The following APOB variants were observed in gnomAD, a reference collection of about 807,000 sequenced individuals.
The protein encoded by APOB is apolipoprotein B-100.
In APOB, 153 loss-of-function variants were observed where a neutral mutation model predicts 314.1. The observed-to-expected ratio is 0.49, with a 90% CI of 0.43 to 0.56. The LOEUF is 0.56. APOB is among the 20% of genes least tolerant of loss of function. The probability of loss-of-function intolerance (pLI) is 0.00; values close to 1 mark genes in which losing one functional copy is unlikely to be tolerated. For synonymous variants in APOB, 2,087 were observed against 2,036.4 expected (o/e 1.02, Z -0.67); for missense variants, 5,430 against 5,350.7 (o/e 1.01, Z -0.46).
chr2:21,035,495 A>T, intron 7 of APOB, 89 bp downstream of exon 7: 1 of 1,547,888 alleles, frequency 6.5e-7, no homozygotes, highest in Non-Finnish European at 8.9e-7. Context: ...CCTCCCAGGC[A>T]CAGGTTTGCC....
At chr2:21,013,575 C>T in intron 24 of APOB, 42 bp from the exon 25 acceptor site, 2 of 1,613,104 alleles carry the variant, frequency 1.2e-6, no homozygotes, top group Non-Finnish European at 1.7e-6. Flanking sequence ...AGTCAGACAT[C>T]AGTCATTCAA....
In APOB at chr2:21,007,824, G is replaced by T. The variant is rs1221150724; in HGVS notation, c.9044C>A (p.Ala3015Glu). ...AGCATCATGCCTCCCAGTAAACTCT[G>T]CCTTCCCTTCTCCAAACAGTGCCAT... is the stretch of plus-strand genomic sequence containing the variant. ...KGMALFGEGKAEFTGRHDAHL... is the reference protein window; with the variant it reads ...KGMALFGEGKEEFTGRHDAHL... Residue 3015 changes from alanine (A) to glutamate (E), a missense_variant, in exon 26 of 29, where the codon GCA (alanine) becomes GAA (glutamate). This residue lies in a region of APOB where 3,281 missense variants were observed against 3,171.0 expected (regional missense o/e 1.03). Coordinates refer to ENST00000233242, the MANE Select transcript of APOB (RefSeq NM_000384.3). The T allele has an allele frequency of 6.2e-7, 1 of 1,614,082 alleles. No individual in the cohort carries two copies. Among genetic ancestry groups the T allele is most frequent in the Admixed American group, 1.7e-5 (1 of 59,998 alleles).
Position 21,027,979 on chromosome 2 carries a change from A to C in APOB, c.1916T>G (p.Leu639Arg). 6.2e-7 allele frequency: 1 copy of C among 1,614,126 alleles called. No homozygotes were observed. Among genetic ancestry groups the C allele is most frequent in the Non-Finnish European group, 8.5e-7 (1 of 1,179,928 alleles). Residue 639 changes from leucine (L) to arginine (R), a missense_variant, in exon 14 of 29, where the codon CTC becomes CGC. Physicochemically the swap from Leu to Arg is moderately radical, Grantham distance 102. Transcript: ENST00000233242. Reference protein sequence around the residue: ...DFRKFSRNYQLYKSVSLPSLD... With the variant: ...DFRKFSRNYQRYKSVSLPSLD... ...TGATGGAAGAGAAACAGATTTGTAG[A>C]GTTGATAGTTCCGAGAGAATTTTCT...
At chr2:21,034,999 G>A in intron 7 of APOB, 98 bp from the exon 8 acceptor site, 1 of 784,512 alleles carries the variant, frequency 1.3e-6, no homozygotes, top group African/African-American at 1.7e-5. Flanking sequence ...CCCAAGTCCT[G>A]CCCATCTTTC....
intron 28 of APOB, 28 bp from the exon 29 acceptor site, chr2:21,003,362 A>T (rs753631768): frequency 1.9e-6 from 3 of 1,583,052 alleles, no homozygotes; most frequent in East Asian, 4.5e-5. Context: ...AAAAAATAAC[A>T]TGTTTTCAAT....
At chr2:21,005,052 C>G in intron 26 of APOB, 28 bp downstream of exon 26, 3 of 1,610,946 alleles carry the variant, frequency 1.9e-6, no homozygotes, top group Non-Finnish European at 2.5e-6. Context: ...TATACAGTAT[C>G]TAGGAGAGGA....
At position 21,022,948 on chromosome 2, in the gene APOB, T is replaced by C. The variant is rs1044111211; in HGVS notation, c.2699A>G (p.Gln900Arg). 7 of 1,614,110 alleles carry C rather than the reference T, an allele frequency of 4.3e-6. No homozygotes were observed. The highest frequency in any genetic ancestry group is 5.9e-6 in the Non-Finnish European group (7 of 1,180,040). The change falls in exon 18 of 29, where the codon CAG becomes CGG. Residue 900 changes from glutamine to arginine, a missense_variant. Physicochemically the swap from Gln to Arg is conservative, Grantham distance 43. Transcript: ENST00000233242. ...CTCGTGGAAGAAGTTGGTGTTCATC[T>C]GGACCCCACTCCTAGCGAAGTCCGG... ...IIPDFARSGV[Q>R]MNTNFFHESG...
In APOB at chr2:21,025,140, T is replaced by C; in HGVS notation, c.2245-16A>G. 7 of 1,611,880 alleles carry C rather than the reference T, an allele frequency of 4.3e-6. No homozygotes were observed. The highest frequency in any genetic ancestry group is 5.9e-6 in the Non-Finnish European group (7 of 1,179,112). On this transcript the variant is annotated splice_polypyrimidine_tract_variant and intron_variant, in intron 15 of 28. Transcript: ENST00000233242. Reference sequence around the variant, plus strand: ...TTACCATATCCTGAGAGTTTAGTAATAAAATGGCCAGTGAGATGTCAGCAA... The same window carrying C: ...TTACCATATCCTGAGAGTTTAGTAACAAAATGGCCAGTGAGATGTCAGCAA...
rs753541880 is a variant in APOB at position 21,005,583 on chromosome 2, T to G, written c.11285A>C (p.Lys3762Thr). 1.7e-5 allele frequency: 28 copies of G among 1,613,906 alleles called. No individual in the cohort carries two copies. The South Asian group carries it at 3.0e-4, about 17-fold the overall frequency. The stretch of plus-strand genomic sequence containing the variant: ...GATTTGTATTTCTCTGAAGTCAAGT[T>G]TGCACGATGGAACCTGAAGATCTGT... ...PFTDLQVPSC[K>T]LDFREIQIYK... Residue 3762 changes from lysine (K) to threonine (T), a missense_variant, in exon 26 of 29, where the codon AAA becomes ACA. By Grantham distance (78) the Lys-to-Thr change is moderately conservative (BLOSUM62 -1). This residue lies in a region of APOB where 3,281 missense variants were observed against 3,171.0 expected (regional missense o/e 1.03). Coordinates refer to ENST00000233242, the MANE Select transcript of APOB (RefSeq NM_000384.3).
In APOB at chr2:21,007,626, C is replaced by T. The variant is rs72653100; in HGVS notation, c.9242G>A (p.Ser3081Asn). 138 of 1,614,060 alleles carry T rather than the reference C, an allele frequency of 8.5e-5. No homozygotes were observed. The African/African-American group carries it at 1.6e-3, about 18-fold the overall frequency. The change falls in exon 26 of 29, where the codon AGT (serine) becomes AAT (asparagine). Residue 3081 changes from serine to asparagine, a missense_variant. Ser to Asn is a conservative substitution (Grantham distance 46). Around this residue, in one of 3 missense-constraint regions of APOB, gnomAD observed 3,281 missense variants for 3,171.0 expected, o/e 1.03. Transcript: ENST00000233242. ...TACTTGCCAACTTGCTTGCTGGGCA[C>T]TGGGACTCAGAAACAGTGCATAGTT... ...LNNYALFLSP[S>N]AQQASWQVSA...
At position 21,033,533 on chromosome 2, in the gene APOB, G is replaced by A; in HGVS notation, c.905-15C>T. 6.2e-7 allele frequency: 1 copy of A among 1,603,140 alleles called. No individual in the cohort carries two copies. Among genetic ancestry groups the A allele is most frequent in the Non-Finnish European group, 8.5e-7 (1 of 1,170,050 alleles). On this transcript the variant is annotated splice_polypyrimidine_tract_variant and intron_variant, in intron 8 of 28. Transcript: ENST00000233242. ...CTTCTTAGTACCTGGAAGATGGAAA[G>A]TGTCAAAGGAACTCTAGCTTTCTTC...
chr2:21,041,063 C>T lies in APOB; in HGVS notation c.258G>A (p.Gln86=), dbSNP rs1664121128. The change falls in exon 4 of 29, where the codon CAG becomes CAA. Residue 86 remains glutamine (Q), a synonymous_variant. Transcript: ENST00000233242. ...TGGTCTTCAGGATGAAGCTGCAGAG[C>T]TGGGGAACCTCCAGCTCAACCTGAG... ...INCKVELEVP[Q]LCSFILKTSQ... 1 of 1,612,498 alleles carries T rather than the reference C, an allele frequency of 6.2e-7. No homozygotes were observed. Among genetic ancestry groups the T allele is most frequent in the Non-Finnish European group, 8.5e-7 (1 of 1,179,782 alleles).
At chr2:21,035,215 A>T (rs528996218) in intron 7 of APOB, among the ~76,000 whole-genome samples, 10 of 152,018 alleles carry the variant, frequency 6.6e-5, no homozygotes, top group Non-Finnish European at 1.2e-4. Flanking sequence ...GCAGTTACTC[A>T]ATATATATTC....
In APOB at chr2:21,001,551, G is replaced by A. The variant is rs142151703; in HGVS notation, c.*179C>T. On this transcript the variant is annotated 3_prime_UTR_variant, in exon 29 of 29. Transcript: ENST00000233242. ...ATCCTTCTGAGTTCAGAGACCTTCC[G>A]AGCCCTGGTGCCAGCTTTGGTGCAG... 2,717 of 603,896 alleles carry A rather than the reference G, an allele frequency of 4.5e-3. 15 individuals are homozygous for A. Among genetic ancestry groups the A allele is most frequent in the Middle Eastern group, 7.9e-3 (18 of 2,278 alleles). The allele number at this position is 603,896 out of a possible 1,614,324, so 37.4% of individuals were successfully genotyped here.
chr2:21,005,003 C>A, intron 26 of APOB, 77 bp downstream of exon 26: 7 of 1,560,712 alleles, frequency 4.5e-6, no homozygotes, highest in Non-Finnish European at 6.1e-6. Flanking sequence ...CTACTCACAA[C>A]TAAATACATA....
chr2:21,003,652 A>T (rs1383191987), intron 28 of APOB, among the ~76,000 whole-genome samples: 1 of 152,204 alleles, frequency 6.6e-6, no homozygotes, highest in Non-Finnish European at 1.5e-5. Flanking sequence ...GAGAAAGAAG[A>T]GGAGAGAGAA....
intron 18 of APOB, 142 bp downstream of exon 18, chr2:21,022,689 C>A: frequency 1.4e-6 from 1 of 739,300 alleles, no homozygotes. Context: ...ATAGGTAACC[C>A]GGAATCTTTC....
At chr2:21,028,869 T>G (rs1039454454) in intron 12 of APOB, among the ~76,000 whole-genome samples, 4 of 152,168 alleles carry the variant, frequency 2.6e-5, no homozygotes, top group Non-Finnish European at 4.4e-5. Flanking sequence ...AGGATAAAGA[T>G]GAGAAGGGGT....
At chr2:21,018,552 C>T (rs1663529873) in intron 20 of APOB, among the ~76,000 whole-genome samples, 1 of 152,188 alleles carries the variant, frequency 6.6e-6, no homozygotes, top group East Asian at 1.9e-4. Context: ...TGTTAACAGT[C>T]TTACCACACG....
Sources: gnomAD v4.1 joint callset for allele counts (sites outside exome capture counted in the v4.1 genomes callset) on GRCh38, gnomAD v4.1.1 for gene constraint, gnomAD v4.1.1 regional missense constraint, MANE v1.5 for transcripts, NCBI Gene and HGNC (gene_info 2026-07-23, HGNC 2026-07-21) for gene names.